OBSL1: variants seen among roughly 807,000 people sequenced by gnomAD.
OBSL1 encodes obscurin-like protein 1.
OBSL1 carries 160 observed loss-of-function variants against 172.0 expected under a neutral mutation model. The ratio of observed to expected loss-of-function variants is 0.93; its 90% confidence interval spans 0.82 to 1.06. The LOEUF (loss-of-function observed/expected upper bound fraction) is 1.06, where lower values mean the gene tolerates loss of function less well. Among genes scored for constraint, OBSL1 ranks in the 50% least tolerant of loss-of-function variants. The probability of loss-of-function intolerance (pLI) is 0.00; values close to 1 mark genes in which losing one functional copy is unlikely to be tolerated. For synonymous variants in OBSL1, 1,200 were observed against 1,196.3 expected, an observed-to-expected ratio of 1.00 and a Z score of -0.06; for missense variants, 2,681 against 2,715.4, an observed-to-expected ratio of 0.99 and a Z score of 0.28.
chr2:219,562,633 C>T lies in OBSL1; in HGVS notation c.2722G>A (p.Val908Met), dbSNP rs764682163. Residue 908 changes from valine to methionine, a missense_variant, in exon 8 of 21, where the codon GTG becomes ATG. By Grantham distance (21) the Val-to-Met change is conservative (BLOSUM62 1). Around this residue, in one of 5 missense-constraint regions of OBSL1, gnomAD observed 1,765 missense variants for 1,748.3 expected, o/e 1.01. Coordinates refer to ENST00000404537, the MANE Select transcript of OBSL1 (RefSeq NM_015311.3). ...ACACGCTCCAGGCGCACGGCTGCCA[C>T]ATACACCTTGCCGCTGGGATACACG... The part of the protein sequence containing the change: ...WIVYPSGKVY[V>M]AAVRLERVVL... 7 of 1,580,664 alleles carry T rather than the reference C, an allele frequency of 4.4e-6. No individual in the cohort carries two copies. The East Asian group carries it at 1.2e-4, about 26-fold the overall frequency.
rs755165680 is a variant in OBSL1 at position 219,567,755 on chromosome 2, C to G, written c.1497G>C (p.Leu499=). The part of the protein sequence containing the change: ...REDAGEVTFS[L]GNSRTTTLLR... Reference sequence around the variant, plus strand: ...GAAGCGTAGTGGTACGGGAGTTGCCCAGGCTAAAGGTGACCTCGCCAGCAT... The same window carrying G: ...GAAGCGTAGTGGTACGGGAGTTGCCGAGGCTAAAGGTGACCTCGCCAGCAT... Residue 499 remains leucine, a synonymous_variant, in exon 3 of 21, where the codon CTG becomes CTC. Coordinates refer to ENST00000404537, the MANE Select transcript of OBSL1 (RefSeq NM_015311.3). 1 of 1,613,228 alleles carries G rather than the reference C, an allele frequency of 6.2e-7. No individual in the cohort carries two copies. Among genetic ancestry groups the G allele is most frequent in the Non-Finnish European group, 8.5e-7 (1 of 1,179,380 alleles).
At chr2:219,547,808 G>A (rs546601557), downstream of OBSL1, 10 of 1,591,730 alleles carry the variant, frequency 6.3e-6, no homozygotes, top group Middle Eastern at 1.8e-4. Context: ...GCTGGGGGGC[G>A]GCCTGCTCTG....
chr2:219,565,440 T>C lies in OBSL1; in HGVS notation c.2209A>G (p.Thr737Ala). ...AAGTCCACCCTTGAGAGCTCACAAGTCAGCACCACCCGCTCTGAGGTTGTG... is the reference window on the plus strand; with the variant it reads ...AAGTCCACCCTTGAGAGCTCACAAGCCAGCACCACCCGCTCTGAGGTTGTG... The part of the protein sequence containing the change: ...TFTTSERVVL[T>A]CELSRVDFPA... Residue 737 changes from threonine to alanine, a missense_variant, in exon 6 of 21, where the codon ACT becomes GCT. Thr to Ala is a moderately conservative substitution (Grantham distance 58). This residue lies in a region of OBSL1 where 1,765 missense variants were observed against 1,748.3 expected (regional missense o/e 1.01). Transcript: ENST00000404537. 2 of 1,613,648 alleles carry C rather than the reference T, an allele frequency of 1.2e-6. No homozygotes were observed. Among genetic ancestry groups the C allele is most frequent in the Non-Finnish European group, 1.7e-6 (2 of 1,179,844 alleles).
At chr2:219,564,818 A>G (rs1489933807) in intron 6 of OBSL1, among the ~76,000 whole-genome samples, 1 of 152,188 alleles carries the variant, frequency 6.6e-6, no homozygotes, top group Non-Finnish European at 1.5e-5. Context: ...GCTCATACCT[A>G]TAATCCCAGC....
In OBSL1 at chr2:219,568,805, C is replaced by T. The variant is rs1256206697; in HGVS notation, c.1013-481G>A. Among the ~76,000 whole-genome samples, 1 of 151,566 alleles carries T rather than the reference C, an allele frequency of 6.6e-6. No individual in the cohort carries two copies. The highest frequency in any genetic ancestry group is 2.1e-4 in the South Asian group (1 of 4,806). On this transcript the variant is annotated intron_variant, in intron 1 of 20. Transcript: ENST00000404537. The surrounding 1 kb of genome is among the most constrained non-coding windows in gnomAD (Gnocchi z 4.1). ...TGTTGCCCAGGCTGGAGTGCAGTCG[C>T]GCAATCTCGGCTCACTGCAACCTCC...
At chr2:219,560,506 C>T (rs969924535) in intron 8 of OBSL1, among the ~76,000 whole-genome samples, 2 of 152,168 alleles carry the variant, frequency 1.3e-5, no homozygotes, top group East Asian at 1.9e-4. Flanking sequence ...GCCCCCAGGT[C>T]CCCCCAGAAT....
At position 219,550,828 on chromosome 2, in the gene OBSL1, G is replaced by A. The variant is rs1165389443; in HGVS notation, c.*7C>T. ...CAAGGGCACCCGCCTGGCCTGGTTA[G>A]GTTCTCCTAGTTGCCTGCAGAGGAA... On this transcript the variant is annotated 3_prime_UTR_variant, in exon 21 of 21. Transcript: ENST00000404537. The A allele has an allele frequency of 1.2e-6, 2 of 1,611,560 alleles. No individual in the cohort carries two copies. The highest frequency in any genetic ancestry group is 2.7e-5 in the African/African-American group (2 of 74,876).
At chr2:219,559,653 C>G in intron 8 of OBSL1, 156 bp from the exon 9 acceptor site, 1 of 672,336 alleles carries the variant, frequency 1.5e-6, no homozygotes, top group South Asian at 2.3e-5. Context: ...TCTCTGAAAT[C>G]CCTGGGGCCA....
chr2:219,552,018 A>G, intron 19 of OBSL1, 94 bp downstream of exon 19: 17 of 1,262,186 alleles, frequency 1.3e-5, no homozygotes, highest in Non-Finnish European at 1.9e-5. Context: ...GGGAAGAGAG[A>G]GGCAGCGTTC....
rs372863586 is a variant in OBSL1, at chr2:219,565,451, C to G, written c.2198G>C (p.Arg733Pro). ...RVSLTFTTSE[R>P]VVLTCELSRV... is the part of the protein sequence containing the mutation. ...TGAGAGCTCACAAGTCAGCACCACC[C>G]GCTCTGAGGTTGTGAAGGTCAACGA... The change falls in exon 6 of 21, where the codon CGG becomes CCG. Residue 733 changes from arginine to proline, a missense_variant. Transcript: ENST00000404537. 3.7e-6 allele frequency: 6 copies of G among 1,613,318 alleles called. No homozygotes were observed. The African/African-American group carries it at 4.0e-5, about 11-fold the overall frequency.
At position 219,552,220 on chromosome 2, in the gene OBSL1, G is replaced by A; in HGVS notation, c.5309-4C>T. On this transcript the variant is annotated splice_region_variant and splice_polypyrimidine_tract_variant and intron_variant, in intron 18 of 20. Coordinates refer to ENST00000404537, the MANE Select transcript of OBSL1 (RefSeq NM_015311.3). ...AGCACCAGAATGTGTTTCTTCCCTGGGGGTGAGGGGGTCGCTAGCGAGGCC... is the reference window on the plus strand; with the variant it reads ...AGCACCAGAATGTGTTTCTTCCCTGAGGGTGAGGGGGTCGCTAGCGAGGCC... 1 of 1,592,124 alleles carries A rather than the reference G, an allele frequency of 6.3e-7. No homozygotes were observed. Among genetic ancestry groups the A allele is most frequent in the Non-Finnish European group, 8.5e-7 (1 of 1,169,888 alleles).
intron 12 of OBSL1, 197 bp from the exon 13 acceptor site, chr2:219,556,920 A>C: frequency 1.7e-6 from 1 of 582,466 alleles, no homozygotes; most frequent in South Asian, 2.8e-5. Context: ...GTTCCTCATA[A>C]TCCTAGCCTA....
In OBSL1 at chr2:219,553,657, G is replaced by C. The variant is rs1208826752; in HGVS notation, c.4906C>G (p.His1636Asp). 1 of 1,613,792 alleles carries C rather than the reference G, an allele frequency of 6.2e-7. No individual in the cohort carries two copies. The highest frequency in any genetic ancestry group is 8.5e-7 in the Non-Finnish European group (1 of 1,179,844). The change falls in exon 16 of 21, where the codon CAC becomes GAC. Residue 1636 changes from histidine (H) to aspartate (D), a missense_variant. Around this residue, in one of 5 missense-constraint regions of OBSL1, gnomAD observed 1,765 missense variants for 1,748.3 expected, o/e 1.01. Transcript: ENST00000404537. ...TCGCCCTCGGTCACCTCTAGGTCGT[G>C]TGGCCCCCGCACGATGGTCACTGGG... Reference protein sequence around the residue: ...EVPVTIVRGPHDLEVTEGDTA... With the variant: ...EVPVTIVRGPDDLEVTEGDTA...
chr2:219,561,083 C>A (rs1452412573), intron 8 of OBSL1, among the ~76,000 whole-genome samples: 1 of 152,108 alleles, frequency 6.6e-6, no homozygotes, highest in Non-Finnish European at 1.5e-5. Context: ...TACGACAGGG[C>A]AGAATATGTG....
Position 219,568,420 on chromosome 2 carries a change from C to T in OBSL1, c.1013-96G>A. The T allele has an allele frequency of 8.2e-7, 1 of 1,214,436 alleles. No individual in the cohort carries two copies. The allele number at this position is 1,214,436 out of a possible 1,614,324, so 75.2% of individuals were successfully genotyped here. The stretch of plus-strand genomic sequence containing the variant: ...AGCGCATTAGCTCATGCTGTGTGCT[C>T]TTCATGCAGAGCCAGCGGGCACTGT... On this transcript the variant is annotated intron_variant, in intron 1 of 20. Transcript: ENST00000404537. This position sits in a 1 kb window ranked among gnomAD's most constrained non-coding sequence, Gnocchi z 4.1.
At chr2:219,550,909 G>A (rs1289676142) in intron 20 of OBSL1, 67 bp from the exon 21 acceptor site, 5 of 1,582,922 alleles carry the variant, frequency 3.2e-6, no homozygotes, top group South Asian at 2.3e-5. Flanking sequence ...TCCCCTGGCA[G>A]AGCCTGGACA....
intron 8 of OBSL1, chr2:219,561,799 G>C: frequency 1.4e-6 from 1 of 704,924 alleles, no homozygotes; most frequent in East Asian, 2.7e-5. Flanking sequence ...TTAGGTTAGC[G>C]GCTGAAGCAG....
rs764382772 is a variant in OBSL1 at position 219,553,634 on chromosome 2, G to A, written c.4929C>T (p.Gly1643=). 12 of 1,613,692 alleles carry A rather than the reference G, an allele frequency of 7.4e-6. No individual in the cohort carries two copies. Among genetic ancestry groups the A allele is most frequent in the Admixed American group, 3.3e-5 (2 of 59,982 alleles). ...RGPHDLEVTE[G]DTATFECELS... ...GCTCGCACTCGAACGTAGCTGTGTC[G>A]CCCTCGGTCACCTCTAGGTCGTGTG... The change falls in exon 16 of 21, where the codon GGC becomes GGT. Residue 1643 remains glycine (G), a synonymous_variant. Transcript: ENST00000404537.
In OBSL1 at chr2:219,567,956, C is replaced by T. The variant is rs1349541795; in HGVS notation, c.1296G>A (p.Lys432=). 9.9e-6 allele frequency: 16 copies of T among 1,613,794 alleles called. No homozygotes were observed. In the East Asian group the frequency reaches 3.3e-4, roughly 34 times the overall value. Residue 432 remains lysine (K), a synonymous_variant, in exon 3 of 21, where the codon AAG becomes AAA. Coordinates refer to ENST00000404537, the MANE Select transcript of OBSL1 (RefSeq NM_015311.3). Reference sequence around the variant, plus strand: ...GGACGTCGAGCTTCCGGGGCAGGCGCTTCAGGATGGGCCCTGAGATGCGGA... The same window carrying T: ...GGACGTCGAGCTTCCGGGGCAGGCGTTTCAGGATGGGCCCTGAGATGCGGA... The part of the protein sequence containing the change: ...ANVTVKGPIL[K]RLPRKLDVLE...
Sources: gnomAD v4.1 joint callset for allele counts (sites outside exome capture counted in the v4.1 genomes callset) on GRCh38, gnomAD v4.1.1 for gene constraint, gnomAD v4.1.1 regional missense constraint, Gnocchi (gnomAD v3.1) non-coding constraint, MANE v1.5 for transcripts, NCBI Gene and HGNC (gene_info 2026-07-23, HGNC 2026-07-21) for gene names.